POLR1E: variants seen among roughly 807,000 people sequenced by gnomAD.
The protein encoded by POLR1E is RNA polymerase I subunit E.
Under a neutral mutation model 50.9 loss-of-function variants are expected in POLR1E, and 37 were observed. The ratio of observed to expected loss-of-function variants is 0.73; its 90% CI spans 0.56 to 0.96. The LOEUF (loss-of-function observed/expected upper bound fraction) is 0.96. Among genes scored for constraint, POLR1E ranks in the 40% least tolerant of loss-of-function variants. The pLI is 0.00. For missense variants in POLR1E, 426 were observed against 518.1 expected (o/e 0.82, Z 1.73); for synonymous variants, 166 against 191.6 (o/e 0.87, Z 1.10).
At chr9:37,496,808 A>G (rs112492546) in intron 8 of POLR1E, among the ~76,000 whole-genome samples, 10 of 152,136 alleles carry the variant, frequency 6.6e-5, no homozygotes, top group East Asian at 3.9e-4. Flanking sequence ...CAGTTTTTCT[A>G]TCTGTAAAAT....
intron 9 of POLR1E, among the ~76,000 whole-genome samples, chr9:37,499,861 C>CT (rs1207281672): frequency 3.0e-5 from 4 of 132,626 alleles, no homozygotes; most frequent in East Asian, 2.3e-4. Context: ...TTTTTTTTTT[C>CT]TTTTTTTGAG....
In POLR1E at chr9:37,493,663, TA is replaced by T. The variant is rs1265285617; in HGVS notation, c.510del (p.Ala171LeufsTer11). The part of the protein sequence containing the change: ...GNESLNRAVA[K>X]AAETIIDTKG... ...ATGAATCTTTGAATCGTGCAGTGGC[TA>T]AAGCTGCAGAGACTATCATTGATAC... On this transcript the variant is annotated frameshift_variant, in exon 6 of 12. Coordinates refer to ENST00000377798, the MANE Select transcript of POLR1E (RefSeq NM_022490.4). LOFTEE classifies it high-confidence loss of function. The T allele has an allele frequency of 6.2e-7, 1 of 1,603,646 alleles. No individual in the cohort carries two copies. Among genetic ancestry groups the T allele is most frequent in the Non-Finnish European group, 8.5e-7 (1 of 1,174,340 alleles).
chr9:37,500,687 G>A (rs765518607), intron 9 of POLR1E, among the ~76,000 whole-genome samples, 153 bp from the exon 10 acceptor site: 1 of 152,174 alleles, frequency 6.6e-6, no homozygotes, highest in Non-Finnish European at 1.5e-5. Flanking sequence ...TCATTTTGAT[G>A]TGGCTGTTCT....
intron 3 of POLR1E, among the ~76,000 whole-genome samples, 200 bp from the exon 4 acceptor site, chr9:37,489,115 G>C (rs3758224): frequency 0.082 from 12,480 of 151,936 alleles, 683 homozygotes; most frequent in East Asian, 0.15. Flanking sequence ...GCGTGCGCCT[G>C]TAATCCCAGC....
intron 3 of POLR1E, among the ~76,000 whole-genome samples, chr9:37,489,082 G>A (rs3758225): frequency 0.21 from 32,592 of 151,730 alleles, 3,621 homozygotes; most frequent in Admixed American, 0.26. Flanking sequence ...TATTAAAAAT[G>A]CAAAAATTAG....
intron 9 of POLR1E, 143 bp from the exon 10 acceptor site, chr9:37,500,697 T>C (rs1227559142): frequency 6.4e-6 from 4 of 626,554 alleles, no homozygotes; most frequent in Non-Finnish European, 1.1e-5. Context: ...GTGGCTGTTC[T>C]GCTTTGTGTG....
At chr9:37,493,117 A>G (rs754950) in intron 5 of POLR1E, among the ~76,000 whole-genome samples, 113,411 of 152,202 alleles carry the variant, frequency 0.75, 42,899 homozygotes, top group East Asian at 1. Context: ...CCCCAAGATG[A>G]CAAACTGATT....
chr9:37,489,122 C>T (rs1820631252), intron 3 of POLR1E, among the ~76,000 whole-genome samples, 193 bp from the exon 4 acceptor site: 1 of 151,756 alleles, frequency 6.6e-6, no homozygotes, highest in African/African-American at 2.4e-5. Context: ...CCTGTAATCC[C>T]AGCTACTCAG....
At chr9:37,496,074 G>A in intron 8 of POLR1E, 88 bp downstream of exon 8, 1 of 933,880 alleles carries the variant, frequency 1.1e-6, no homozygotes, top group African/African-American at 1.6e-5. Flanking sequence ...CTGGGCGTCA[G>A]TCAGTGAGGA....
At chr9:37,500,164 T>C (rs536608430) in intron 9 of POLR1E, among the ~76,000 whole-genome samples, 986 of 55,378 alleles carry the variant, frequency 0.018, 14 homozygotes, top group African/African-American at 0.13. Flanking sequence ...TTTTTTGTTT[T>C]GTTTTGTTTT....
chr9:37,489,405 G>A lies in POLR1E; in HGVS notation c.343+5G>A. 6.3e-7 allele frequency: 1 copy of A among 1,578,830 alleles called. No individual in the cohort carries two copies. The highest frequency in any genetic ancestry group is 8.6e-7 in the Non-Finnish European group (1 of 1,166,548). Reference sequence around the variant, plus strand: ...ACATGCAGCCACTATTTTCAGGTAGGTCCCAGTCATGAAAGCTGACAGAAA... The same window carrying A: ...ACATGCAGCCACTATTTTCAGGTAGATCCCAGTCATGAAAGCTGACAGAAA... On this transcript the variant is annotated splice_donor_5th_base_variant and intron_variant, in intron 4 of 11. Transcript: ENST00000377798.
chr9:37,488,000 G>A, intron 3 of POLR1E, 61 bp downstream of exon 3: 1 of 1,520,516 alleles, frequency 6.6e-7, no homozygotes, highest in Non-Finnish European at 9.1e-7. Context: ...GGCAGCACTG[G>A]CACTGCTGTT....
intron 9 of POLR1E, among the ~76,000 whole-genome samples, chr9:37,499,393 G>T (rs74781798): frequency 0.019 from 2,842 of 152,182 alleles, 83 homozygotes; most frequent in African/African-American, 0.065. Flanking sequence ...CCACTGCCTC[G>T]GTGACAGCAA....
chr9:37,489,301 TC>T lies in POLR1E; in HGVS notation c.258-13del. 1 of 1,556,178 alleles carries T rather than the reference TC, an allele frequency of 6.4e-7. No homozygotes were observed. The highest frequency in any genetic ancestry group is 8.7e-7 in the Non-Finnish European group (1 of 1,142,934). On this transcript the variant is annotated splice_polypyrimidine_tract_variant and intron_variant, in intron 3 of 11. Transcript: ENST00000377798. ...ATAATCCATTGTTATTTGTATTATT[TC>T]TTCTTTATTCAGGCACTTTGTGGGA...
rs1234611290 is a variant in POLR1E at position 37,487,886 on chromosome 9, C to A, written c.204C>A (p.Ser68=). ...AGGCAGCTGAAACAGATAGGCTCTC[C>A]TATGTGGGAAACAATTTTGGGACTG... is the stretch of plus-strand genomic sequence containing the variant. The part of the protein sequence containing the change: ...RILAAETDRL[S]YVGNNFGTGA... The change falls in exon 3 of 12, where the codon TCC becomes TCA. Residue 68 remains serine, a synonymous_variant. Transcript: ENST00000377798. The A allele has an allele frequency of 6.2e-7, 1 of 1,614,172 alleles. No homozygotes were observed. The highest frequency in any genetic ancestry group is 1.1e-5 in the South Asian group (1 of 91,082).
chr9:37,501,209 G>A (rs890115068), intron 10 of POLR1E, among the ~76,000 whole-genome samples: 1 of 152,222 alleles, frequency 6.6e-6, no homozygotes, highest in Non-Finnish European at 1.5e-5. Context: ...CCTTCCCGAT[G>A]TCTCACAGAG....
rs376324798 is a variant in POLR1E at position 37,500,912 on chromosome 9, A to T, written c.959A>T (p.Asn320Ile). 1 of 1,612,842 alleles carries T rather than the reference A, an allele frequency of 6.2e-7. No homozygotes were observed. The change falls in exon 10 of 12, where the codon AAC (asparagine) becomes ATC (isoleucine). Residue 320 changes from asparagine to isoleucine, a missense_variant. Coordinates refer to ENST00000377798, the MANE Select transcript of POLR1E (RefSeq NM_022490.4). ...AAGCACTTTACTTGCTTGACCTACA[A>T]CAATGGCAGGTCAGGGGGTGGTTGC... ...LLKHFTCLTY[N>I]NGRLRNLISD...
intron 4 of POLR1E, 98 bp downstream of exon 4, chr9:37,489,498 T>A: frequency 1.4e-6 from 1 of 738,168 alleles, no homozygotes; most frequent in Non-Finnish European, 2.1e-6. Context: ...CATTTTATAG[T>A]TATTTTAATT....
intron 4 of POLR1E, chr9:37,490,361 T>G: frequency 6.6e-6 from 4 of 602,544 alleles, no homozygotes; most frequent in African/African-American, 1.9e-5. Context: ...ACACCACACT[T>G]CTACTCAATG....
Sources: gnomAD v4.1 joint callset for allele counts (sites outside exome capture counted in the v4.1 genomes callset) on GRCh38, gnomAD v4.1.1 for gene constraint, MANE v1.5 for transcripts, NCBI Gene and HGNC (gene_info 2026-07-23, HGNC 2026-07-21) for gene names.